Variants in SPSB1 observed in about 807,000 individuals in gnomAD.
SPSB1 encodes the protein SPRY domain-containing SOCS box protein 1.
In SPSB1, 8 loss-of-function variants were observed where a neutral mutation model predicts 21.2. The ratio of observed to expected loss-of-function variants is 0.38; its 90% CI spans 0.22 to 0.68. The LOEUF (loss-of-function observed/expected upper bound fraction) is 0.68, where lower values mean the gene tolerates loss of function less well. SPSB1 is among the 30% of genes least tolerant of loss of function. The probability of loss-of-function intolerance (pLI) is 0.53; values close to 1 mark genes in which losing one functional copy is unlikely to be tolerated. For missense variants in SPSB1, 242 were observed against 377.8 expected (o/e 0.64, Z 2.98); for synonymous variants, 169 against 161.7 (o/e 1.05, Z -0.34).
rs537272052 is a variant in SPSB1, at chr1:9,350,960, C to T, written c.-149-4783C>T. Among the ~76,000 whole-genome samples, 3 of 152,316 alleles carry T rather than the reference C, an allele frequency of 2.0e-5. No individual in the cohort carries two copies. In the East Asian group the frequency reaches 5.8e-4, roughly 29 times the overall value. ...TGGCCCAGGGATGTCTGTCTTGGTC[C>T]AGTGTTAACAGGAGCCATCCAGGCA... On this transcript the variant is annotated intron_variant, in intron 1 of 2. Coordinates refer to ENST00000328089, the MANE Select transcript of SPSB1 (RefSeq NM_025106.4).
At chr1:9,307,096 T>G (rs910420573) in intron 1 of SPSB1, among the ~76,000 whole-genome samples, 10 of 151,918 alleles carry the variant, frequency 6.6e-5, no homozygotes, top group Non-Finnish European at 1.0e-4. Context: ...CCTGGCTAAT[T>G]TTTGTATTTT....
chr1:9,356,629 C>A lies in SPSB1; in HGVS notation c.694+44C>A. On this transcript the variant is annotated intron_variant, in intron 2 of 2. Transcript: ENST00000328089. The surrounding 1 kb of genome is among the most constrained non-coding windows in gnomAD (Gnocchi z 7.4). ...GTCAGAGGCAATGCCCTCCCTCAGTCCCCATGGTCCTGGCTGGGCTCAGGC... is the reference window on the plus strand; with the variant it reads ...GTCAGAGGCAATGCCCTCCCTCAGTACCCATGGTCCTGGCTGGGCTCAGGC... 6.5e-7 allele frequency: 1 copy of A among 1,544,412 alleles called. No individual in the cohort carries two copies. Among genetic ancestry groups the A allele is most frequent in the South Asian group, 1.3e-5 (1 of 79,262 alleles).
At chr1:9,332,356 C>T (rs111998043) in intron 1 of SPSB1, among the ~76,000 whole-genome samples, 9 of 152,052 alleles carry the variant, frequency 5.9e-5, no homozygotes, top group African/African-American at 1.9e-4. Context: ...CAATGTTTGG[C>T]GCTAATGTGG....
rs1287542421 is a variant in SPSB1, at chr1:9,363,414, G to A, written c.695-4034G>A. ...GGTTTATTCAGTGAGATCCAGAGAT[G>A]GCCAGGCTGTGGCAAGTCCTCTACC... is the stretch of plus-strand genomic sequence containing the variant. On this transcript the variant is annotated intron_variant, in intron 2 of 2. Transcript: ENST00000328089. The surrounding 1 kb of genome is among the most constrained non-coding windows in gnomAD (Gnocchi z 4.5). Among the ~76,000 whole-genome samples, 1 of 152,156 alleles carries A rather than the reference G, an allele frequency of 6.6e-6. No individual in the cohort carries two copies. The highest frequency in any genetic ancestry group is 6.5e-5 in the Admixed American group (1 of 15,282).
intron 1 of SPSB1, among the ~76,000 whole-genome samples, chr1:9,313,452 G>A (rs898407866): frequency 3.9e-5 from 6 of 152,206 alleles, no homozygotes; most frequent in Non-Finnish European, 8.8e-5. Flanking sequence ...GCCCAGGGCT[G>A]CACAGCCAAG....
chr1:9,359,863 G>A (rs1217930421), intron 2 of SPSB1, among the ~76,000 whole-genome samples: 4 of 148,198 alleles, frequency 2.7e-5, no homozygotes, highest in African/African-American at 9.9e-5. Context: ...GGTGGGTGGC[G>A]GGGGCGGCCC....
intron 1 of SPSB1, among the ~76,000 whole-genome samples, chr1:9,343,049 C>T (rs1333308836): frequency 6.6e-6 from 1 of 152,206 alleles, no homozygotes; most frequent in Non-Finnish European, 1.5e-5. Context: ...GAGAGGTAGA[C>T]ATCTTTCATC....
intron 2 of SPSB1, among the ~76,000 whole-genome samples, chr1:9,364,028 A>C (rs1378927712): frequency 6.6e-6 from 1 of 152,208 alleles, no homozygotes; most frequent in East Asian, 1.9e-4. Flanking sequence ...GGTTGATTGG[A>C]AACCCGTTAC....
intron 2 of SPSB1, among the ~76,000 whole-genome samples, chr1:9,361,017 C>T (rs913018573): frequency 6.6e-6 from 1 of 152,192 alleles, no homozygotes; most frequent in Admixed American, 6.5e-5. Context: ...CCAAGTCCCC[C>T]GTCCCGGGAG....
At chr1:9,314,242 A>G (rs1569581482) in intron 1 of SPSB1, among the ~76,000 whole-genome samples, 1 of 151,318 alleles carries the variant, frequency 6.6e-6, no homozygotes, top group Non-Finnish European at 1.5e-5. Context: ...CCAAATATCC[A>G]CCTGACATTT....
At chr1:9,323,216 G>T (rs1235614565) in intron 1 of SPSB1, among the ~76,000 whole-genome samples, 2 of 152,248 alleles carry the variant, frequency 1.3e-5, no homozygotes, top group Admixed American at 1.3e-4. Context: ...CTCACGAAGT[G>T]CCCTGGCTGG....
chr1:9,295,264 G>A (rs1468332614), intron 1 of SPSB1, among the ~76,000 whole-genome samples: 1 of 151,994 alleles, frequency 6.6e-6, no homozygotes, highest in Non-Finnish European at 1.5e-5. Context: ...TTGGGGAGGT[G>A]TGGAGTGGAC....
At chr1:9,309,281 TGTGAGAGAGAGA>T (rs373035704) in intron 1 of SPSB1, among the ~76,000 whole-genome samples, 1 of 122,946 alleles carries the variant, frequency 8.1e-6, no homozygotes, top group African/African-American at 3.4e-5. Flanking sequence ...AGAGAGAGAG[TGTGAGAGAGAGA>T]GAGAGAGAGT....
At chr1:9,338,784 G>A (rs116255862) in intron 1 of SPSB1, among the ~76,000 whole-genome samples, 1,600 of 152,292 alleles carry the variant, frequency 0.011, 34 homozygotes, top group African/African-American at 0.036. Context: ...CGTGGGCCAC[G>A]ATTCTGCCTT....
rs1639627945 is a variant in SPSB1, at chr1:9,317,018, G to A, written c.-150+23947G>A. ...TGGATGCACCTTCCTGCTTCCAAGTGGAAACACACGGTGGAATTTAGAATC... is the reference window on the plus strand; with the variant it reads ...TGGATGCACCTTCCTGCTTCCAAGTAGAAACACACGGTGGAATTTAGAATC... On this transcript the variant is annotated intron_variant, in intron 1 of 2. Coordinates refer to ENST00000328089, the MANE Select transcript of SPSB1 (RefSeq NM_025106.4). The surrounding 1 kb of genome is among the most constrained non-coding windows in gnomAD (Gnocchi z 4.3). Among the ~76,000 whole-genome samples, 1 of 152,218 alleles carries A rather than the reference G, an allele frequency of 6.6e-6. No individual in the cohort carries two copies. Among genetic ancestry groups the A allele is most frequent in the African/African-American group, 2.4e-5 (1 of 41,442 alleles).
In SPSB1 at chr1:9,367,598, G is replaced by A. The variant is rs749638452; in HGVS notation, c.*23G>A. On this transcript the variant is annotated 3_prime_UTR_variant, in exon 3 of 3. Coordinates refer to ENST00000328089, the MANE Select transcript of SPSB1 (RefSeq NM_025106.4). The surrounding 1 kb of genome is among the most constrained non-coding windows in gnomAD (Gnocchi z 5.9). ...TGACGTTCGCCATCATACCGCCAGC[G>A]CGACAGCCACCTGGTGCCAACTCAC... 28 of 1,577,978 alleles carry A rather than the reference G, an allele frequency of 1.8e-5. No homozygotes were observed. Among genetic ancestry groups the A allele is most frequent in the South Asian group, 6.8e-5 (6 of 88,230 alleles).
Position 9,294,731 on chromosome 1 carries a change from G to A in SPSB1, c.-150+1660G>A, listed in dbSNP as rs558417992. ...TGTCCTTGGAAGAATTTTCTCGTTG[G>A]GGGGGCTGGGCCCACAACTTCATTT... On this transcript the variant is annotated intron_variant, in intron 1 of 2. Transcript: ENST00000328089. The A allele has an allele frequency of 3.3e-5, 5 of 152,288 alleles. No homozygotes were observed. In the East Asian group the frequency reaches 5.8e-4, roughly 18 times the overall value. 9.4% of individuals were successfully genotyped at this position (152,288 alleles called of 1,614,324 possible).
intron 1 of SPSB1, among the ~76,000 whole-genome samples, chr1:9,316,563 G>T (rs75946798): frequency 1.6e-4 from 24 of 152,224 alleles, no homozygotes; most frequent in African/African-American, 2.2e-4. Context: ...AGGAGGGGGG[G>T]GCTGATCGAA....
In SPSB1 at chr1:9,329,220, C is replaced by T. The variant is rs75875492; in HGVS notation, c.-149-26523C>T. 4.7e-3 allele frequency among the ~76,000 whole-genome samples: 712 copies of T among 151,860 alleles called. 7 individuals are homozygous for T. Among genetic ancestry groups the T allele is most frequent in the African/African-American group, 0.016 (680 of 41,404 alleles). On this transcript the variant is annotated intron_variant, in intron 1 of 2. Coordinates refer to ENST00000328089, the MANE Select transcript of SPSB1 (RefSeq NM_025106.4). ...AGTCTGCATGGGGCCCGAGCACAGC[C>T]GGTTGAGGGTTTGTGGGTGGGGGGA... is the stretch of plus-strand genomic sequence containing the variant.
Sources: gnomAD v4.1 joint callset for allele counts (sites outside exome capture counted in the v4.1 genomes callset) on GRCh38, gnomAD v4.1.1 for gene constraint, Gnocchi (gnomAD v3.1) non-coding constraint, MANE v1.5 for transcripts, NCBI Gene and HGNC (gene_info 2026-07-23, HGNC 2026-07-21) for gene names.